MBD5: variants seen among roughly 807,000 people sequenced by gnomAD.
MBD5 encodes methyl-CpG-binding domain protein 5.
In MBD5, 13 loss-of-function variants were observed where a neutral mutation model predicts 117.3. That is an observed-to-expected ratio of 0.11 (90% CI 0.07 to 0.18). The LOEUF (loss-of-function observed/expected upper bound fraction) is 0.18. Among genes scored for constraint, MBD5 ranks in the 10% least tolerant of loss-of-function variants. The pLI, the probability that MBD5 is intolerant of heterozygous loss-of-function variation, is 1.00. For synonymous variants in MBD5, 727 were observed against 766.4 expected (o/e 0.95, Z 0.85); for missense variants, 1,879 against 2,093.8 (o/e 0.90, Z 2.00).
At chr2:148,499,365 T>C (rs930286791) in intron 11 of MBD5, among the ~76,000 whole-genome samples, 2 of 152,204 alleles carry the variant, frequency 1.3e-5, no homozygotes, top group African/African-American at 4.8e-5. Flanking sequence ...TGAATACATA[T>C]AAATTCCAGG....
chr2:148,083,930 A>G (rs1218577503), intron 1 of MBD5, among the ~76,000 whole-genome samples: 1 of 152,040 alleles, frequency 6.6e-6, no homozygotes, highest in Non-Finnish European at 1.5e-5. Context: ...CTGGCTGAAT[A>G]GTTTTATTTT....
chr2:148,393,161 C>G (rs1704613053), intron 4 of MBD5: 1 of 152,126 alleles, frequency 6.6e-6, no homozygotes, highest in South Asian at 2.1e-4. Context: ...ATTCAGTTCT[C>G]ACTCCTGTGA....
chr2:148,321,854 C>A (rs1171133046), intron 3 of MBD5, among the ~76,000 whole-genome samples: 1 of 152,094 alleles, frequency 6.6e-6, no homozygotes, highest in Non-Finnish European at 1.5e-5. Flanking sequence ...TCCTAGAGTG[C>A]TGGGATTACA....
In MBD5 at chr2:148,021,204, C is replaced by T; in HGVS notation, c.-1405C>T. ...GGGACAGGACACTAATTCTACCCCA[C>T]TTCAACCTTGAATTCAGGGGGGTGG... On this transcript the variant is annotated 5_prime_UTR_variant, in exon 1 of 14. Transcript: ENST00000642680. The T allele has an allele frequency of 4.1e-6, 1 of 241,836 alleles. No homozygotes were observed. Among genetic ancestry groups the T allele is most frequent in the Non-Finnish European group, 8.6e-6 (1 of 116,056 alleles). The allele number at this position is 241,836 out of a possible 1,614,324, so 15.0% of individuals were successfully genotyped here.
At chr2:148,512,763 T>A (rs1223089359) in intron 13 of MBD5, 107 bp from the exon 14 acceptor site, 3 of 1,007,802 alleles carry the variant, frequency 3.0e-6, no homozygotes, top group Non-Finnish European at 4.7e-6. Flanking sequence ...TAATTGAAAG[T>A]GAAAGCCAGA....
chr2:148,049,056 TGACCACATTGTGG>T (rs1694621883), intron 1 of MBD5, among the ~76,000 whole-genome samples: 1 of 152,220 alleles, frequency 6.6e-6, no homozygotes, highest in Non-Finnish European at 1.5e-5. Flanking sequence ...AGAGTCATAT[TGACCACATTGTGG>T]GAAATGGTAA....
chr2:148,279,825 G>A (rs1701199152), intron 3 of MBD5, among the ~76,000 whole-genome samples: 1 of 151,986 alleles, frequency 6.6e-6, no homozygotes, highest in Non-Finnish European at 1.5e-5. Context: ...CAGGTGGAGT[G>A]CAGTGGCTAT....
chr2:148,239,734 G>T (rs1700172218), intron 3 of MBD5, among the ~76,000 whole-genome samples: 1 of 96,526 alleles, frequency 1.0e-5, no homozygotes, highest in African/African-American at 3.9e-5. Context: ...TTGAGATAGG[G>T]TCTTGCATTG....
chr2:148,142,486 A>G (rs562120481), intron 1 of MBD5, among the ~76,000 whole-genome samples: 4 of 152,198 alleles, frequency 2.6e-5, no homozygotes, highest in Non-Finnish European at 5.9e-5. Flanking sequence ...TCTATATCCA[A>G]CCAAATCAAG....
At chr2:148,176,481 C>T (rs150930946) in intron 1 of MBD5, among the ~76,000 whole-genome samples, 1,800 of 151,406 alleles carry the variant, frequency 0.012, 42 homozygotes, top group African/African-American at 0.041. Context: ...CTCAGCTCAC[C>T]GCAACCTCTG....
chr2:148,103,091 G>T (rs968110683), intron 1 of MBD5, among the ~76,000 whole-genome samples: 1 of 152,070 alleles, frequency 6.6e-6, no homozygotes, highest in Non-Finnish European at 1.5e-5. Flanking sequence ...TCAGACTGTT[G>T]TCTTAGAATA....
chr2:148,100,851 C>T (rs1696192124), intron 1 of MBD5, among the ~76,000 whole-genome samples: 1 of 152,198 alleles, frequency 6.6e-6, no homozygotes, highest in Non-Finnish European at 1.5e-5. Flanking sequence ...GAGCATACAA[C>T]TTACTTCCCC....
intron 1 of MBD5, among the ~76,000 whole-genome samples, chr2:148,161,368 A>G (rs1254264877): frequency 6.6e-6 from 1 of 152,170 alleles, no homozygotes; most frequent in African/African-American, 2.4e-5. Flanking sequence ...TGGGATCTGG[A>G]TCTGAGCCCT....
intron 1 of MBD5, among the ~76,000 whole-genome samples, chr2:148,082,874 A>C (rs1695679044): frequency 6.6e-6 from 1 of 152,218 alleles, no homozygotes; most frequent in African/African-American, 2.4e-5. Context: ...ATCCTCTATA[A>C]AAGTATTATT....
intron 1 of MBD5, among the ~76,000 whole-genome samples, chr2:148,143,174 C>G (rs1443395595): frequency 6.6e-6 from 1 of 152,196 alleles, no homozygotes; most frequent in African/African-American, 2.4e-5. Flanking sequence ...GAAAGTGCAA[C>G]TTTAAACAAC....
At chr2:148,407,660 T>G (rs1705124798) in intron 4 of MBD5, among the ~76,000 whole-genome samples, 1 of 152,110 alleles carries the variant, frequency 6.6e-6, no homozygotes, top group South Asian at 2.1e-4. Context: ...AACACTAGAG[T>G]TATCATTGCA....
At chr2:148,498,036 G>T (rs1316812215) in intron 11 of MBD5, among the ~76,000 whole-genome samples, 1 of 152,142 alleles carries the variant, frequency 6.6e-6, no homozygotes. Context: ...GTTAAGCCAG[G>T]TCGCAACCCT....
chr2:148,497,532 T>A (rs76444642), intron 11 of MBD5, among the ~76,000 whole-genome samples: 1,841 of 151,760 alleles, frequency 0.012, 55 homozygotes, highest in African/African-American at 0.042. Context: ...TACAAAAAAT[T>A]GTTAAAAATT....
intron 3 of MBD5, among the ~76,000 whole-genome samples, chr2:148,249,000 T>C (rs191057329): frequency 1.3e-5 from 2 of 152,214 alleles, no homozygotes; most frequent in East Asian, 3.9e-4. Context: ...TATGTAAATA[T>C]CAACTCTAAG....
Sources: allele counts gnomAD v4.1 joint callset (sites outside exome capture counted in the v4.1 genomes callset), GRCh38; gene constraint gnomAD v4.1.1; transcripts MANE v1.5; gene names NCBI Gene and HGNC (gene_info 2026-07-23, HGNC 2026-07-21).